The following UNC5D variants were observed in gnomAD, a reference collection of about 807,000 sequenced individuals.
The protein encoded by UNC5D is netrin receptor UNC5D.
A neutral mutation model predicts 105.4 loss-of-function variants in UNC5D; 39 were observed. The observed-to-expected ratio is 0.37, with a 90% CI of 0.29 to 0.48. The LOEUF (loss-of-function observed/expected upper bound fraction) is 0.48, where lower values mean the gene tolerates loss of function less well. Ranked by LOEUF, UNC5D falls within the 20% of genes least tolerant of loss-of-function variation. The probability of loss-of-function intolerance (pLI) is 0.98; values close to 1 mark genes in which losing one functional copy is unlikely to be tolerated. For synonymous variants in UNC5D, 452 were observed against 450.4 expected (o/e 1.00, Z -0.04); for missense variants, 991 against 1,202.4 (o/e 0.82, Z 2.60).
chr8:35,685,967 A>G (rs752942817), intron 6 of UNC5D, among the ~76,000 whole-genome samples: 2 of 152,222 alleles, frequency 1.3e-5, no homozygotes, highest in Non-Finnish European at 2.9e-5. Flanking sequence ...TAGTGGAATT[A>G]AATTCAGTTT....
intron 1 of UNC5D, among the ~76,000 whole-genome samples, chr8:35,399,471 G>T (rs1455512253): frequency 1.3e-5 from 2 of 151,880 alleles, no homozygotes; most frequent in Non-Finnish European, 2.9e-5. Flanking sequence ...CTTTTATTTT[G>T]TTCTGATTCA....
chr8:35,582,918 T>C (rs894216567), intron 3 of UNC5D, among the ~76,000 whole-genome samples: 1 of 152,216 alleles, frequency 6.6e-6, no homozygotes, highest in African/African-American at 2.4e-5. Context: ...AGGTGGTTTT[T>C]AAAACTTTGT....
At chr8:35,659,211 G>A (rs777979077) in intron 4 of UNC5D, among the ~76,000 whole-genome samples, 3 of 152,130 alleles carry the variant, frequency 2.0e-5, no homozygotes, top group African/African-American at 7.2e-5. Flanking sequence ...TCTGTAATGA[G>A]ATTGTATATT....
intron 1 of UNC5D, among the ~76,000 whole-genome samples, chr8:35,529,525 G>C (rs1269201715): frequency 7.4e-6 from 1 of 134,916 alleles, no homozygotes; most frequent in African/African-American, 2.9e-5. Flanking sequence ...TTGACTTGGC[G>C]ATGCGGGCTC....
intron 1 of UNC5D, among the ~76,000 whole-genome samples, chr8:35,434,159 A>G (rs1172515087): frequency 6.6e-6 from 1 of 152,098 alleles, no homozygotes; most frequent in Non-Finnish European, 1.5e-5. Flanking sequence ...AACCTGGTGA[A>G]TTTATGAAGT....
chr8:35,790,567 A>T lies in UNC5D; in HGVS notation c.*4A>T. The T allele has an allele frequency of 6.2e-7, 1 of 1,613,580 alleles. No homozygotes were observed. Among genetic ancestry groups the T allele is most frequent in the African/African-American group, 1.3e-5 (1 of 75,032 alleles). On this transcript the variant is annotated 3_prime_UTR_variant, in exon 17 of 17. Transcript: ENST00000404895. ...CAGCAGGCAAAATGGACTCTAGTCC[A>T]CTTCCTCCCATGAGACAGAGTGATG...
At chr8:35,386,921 G>A (rs1332955391) in intron 1 of UNC5D, among the ~76,000 whole-genome samples, 1 of 151,856 alleles carries the variant, frequency 6.6e-6, no homozygotes, top group Non-Finnish European at 1.5e-5. Context: ...GGTGATGAGG[G>A]GGAGTTAAAG....
chr8:35,417,353 C>G (rs1332003859), intron 1 of UNC5D, among the ~76,000 whole-genome samples: 1 of 152,018 alleles, frequency 6.6e-6, no homozygotes, highest in East Asian at 1.9e-4. Context: ...GAGTTTACCT[C>G]AAGAACTCAT....
chr8:35,532,238 C>A (rs1044947812), intron 1 of UNC5D, among the ~76,000 whole-genome samples: 1 of 150,412 alleles, frequency 6.6e-6, no homozygotes, highest in African/African-American at 2.5e-5. Context: ...TTAGGGCAGG[C>A]CTGGTGGTGA....
chr8:35,342,029 G>GGTAACAATCTT (rs1811489743), intron 1 of UNC5D, among the ~76,000 whole-genome samples: 1 of 151,862 alleles, frequency 6.6e-6, no homozygotes, highest in African/African-American at 2.4e-5. Flanking sequence ...AAGTTTCCTT[G>GGTAACAATCTT]GTAACAATCT....
intron 1 of UNC5D, among the ~76,000 whole-genome samples, chr8:35,411,517 A>G (rs750470242): frequency 4.6e-5 from 7 of 152,012 alleles, no homozygotes; most frequent in African/African-American, 7.2e-5. Flanking sequence ...AACAGTGCTC[A>G]CACATAGTAG....
At chr8:35,352,348 T>G (rs1812297172) in intron 1 of UNC5D, among the ~76,000 whole-genome samples, 1 of 152,118 alleles carries the variant, frequency 6.6e-6, no homozygotes, top group African/African-American at 2.4e-5. Flanking sequence ...ATGATTTTTT[T>G]GTTGGTTTGA....
intron 4 of UNC5D, among the ~76,000 whole-genome samples, chr8:35,645,017 C>T (rs1477949393): frequency 6.6e-6 from 1 of 152,118 alleles, no homozygotes; most frequent in African/African-American, 2.4e-5. Context: ...AGCAATCTAA[C>T]AATCCAGACA....
At position 35,365,551 on chromosome 8, in the gene UNC5D, A is replaced by C. The variant is rs141707661; in HGVS notation, c.103+129664A>C. Among the ~76,000 whole-genome samples the C allele has an allele frequency of 4.0e-3, 550 of 136,792 alleles. 4 individuals carry two copies. The highest frequency in any genetic ancestry group is 0.014 in the African/African-American group (536 of 37,020). The allele number at this position is 136,792 out of a possible 152,430, so 89.7% of individuals were successfully genotyped here. A position where few individuals can be genotyped will look rare whatever the true frequency, so the allele number is the denominator to read the frequency against. ...CCCTGTTTTTGTCCAAAATTCTTTC[A>C]CTGGAGGATTATCTTCTTAGGCTTT... On this transcript the variant is annotated intron_variant, in intron 1 of 16. Transcript: ENST00000404895.
At chr8:35,728,095 A>AAAAAAAAAAATATATATATAT (rs34672872) in intron 10 of UNC5D, among the ~76,000 whole-genome samples, 14 of 110,336 alleles carry the variant, frequency 1.3e-4, no homozygotes, top group African/African-American at 7.1e-4. Flanking sequence ...AAAAAAAAAA[A>AAAAAAAAAAATATATATATAT]ATATATATAT....
At chr8:35,325,586 G>T (rs1000059999) in intron 1 of UNC5D, among the ~76,000 whole-genome samples, 1 of 152,144 alleles carries the variant, frequency 6.6e-6, no homozygotes, top group African/African-American at 2.4e-5. Context: ...CAAAGGAATT[G>T]ATAGTTCTGC....
chr8:35,359,504 G>T (rs1265808808), intron 1 of UNC5D, among the ~76,000 whole-genome samples: 2 of 152,142 alleles, frequency 1.3e-5, no homozygotes, highest in African/African-American at 4.8e-5. Flanking sequence ...TCTTGTATGT[G>T]AACACCAATG....
intron 1 of UNC5D, among the ~76,000 whole-genome samples, chr8:35,481,299 C>T (rs981102842): frequency 1.3e-5 from 2 of 151,994 alleles, no homozygotes; most frequent in African/African-American, 4.8e-5. Context: ...GCTAAGGCAG[C>T]GTGTATTAGT....
chr8:35,428,480 C>G (rs1200619037), intron 1 of UNC5D, among the ~76,000 whole-genome samples: 6 of 151,762 alleles, frequency 4.0e-5, no homozygotes, highest in Non-Finnish European at 7.4e-5. Context: ...GCCACTGCCC[C>G]CCGGCCAAAT....
Sources: gnomAD v4.1 joint callset for allele counts (sites outside exome capture counted in the v4.1 genomes callset) on GRCh38, gnomAD v4.1.1 for gene constraint, MANE v1.5 for transcripts, NCBI Gene and HGNC (gene_info 2026-07-23, HGNC 2026-07-21) for gene names.